SYNPO2: variants seen among roughly 807,000 people sequenced by gnomAD.
SYNPO2 encodes the protein synaptopodin-2.
SYNPO2 carries 56 observed loss-of-function variants against 85.0 expected under a neutral mutation model. The observed-to-expected ratio is 0.66, with a 90% CI of 0.53 to 0.82. The LOEUF (loss-of-function observed/expected upper bound fraction) is 0.82, where lower values mean the gene tolerates loss of function less well. SYNPO2 is among the 40% of genes least tolerant of loss of function. The probability of loss-of-function intolerance (pLI) is 0.00; values close to 1 mark genes in which losing one functional copy is unlikely to be tolerated. For synonymous variants in SYNPO2, 602 were observed against 591.1 expected (o/e 1.02, Z -0.27); for missense variants, 1,575 against 1,534.2 (o/e 1.03, Z -0.44).
intron 1 of SYNPO2, among the ~76,000 whole-genome samples, chr4:118,904,074 G>A (rs549466772): frequency 4.3e-4 from 66 of 152,176 alleles, no homozygotes; most frequent in Middle Eastern, 3.4e-3. Context: ...ATATAATTCT[G>A]TTGAGCTCTA....
intron 1 of SYNPO2, among the ~76,000 whole-genome samples, chr4:118,903,215 G>A (rs1384260811): frequency 2.6e-5 from 4 of 152,086 alleles, no homozygotes. Context: ...TGTACATTAA[G>A]ATGATTTCCT....
At chr4:118,861,628 C>A (rs915898752) in intron 1 of SYNPO2, among the ~76,000 whole-genome samples, 8 of 152,176 alleles carry the variant, frequency 5.3e-5, no homozygotes, top group African/African-American at 1.9e-4. Flanking sequence ...GTTCTTGACA[C>A]CTTTGTCGAA....
intron 4 of SYNPO2, among the ~76,000 whole-genome samples, chr4:119,040,315 T>C (rs529739370): frequency 6.6e-6 from 1 of 152,100 alleles, no homozygotes; most frequent in East Asian, 1.9e-4. Flanking sequence ...GTAGAAGGAG[T>C]GTCGCTATAA....
At chr4:118,930,714 A>G (rs1733899396) in intron 1 of SYNPO2, among the ~76,000 whole-genome samples, 1 of 150,508 alleles carries the variant, frequency 6.6e-6, no homozygotes, top group Admixed American at 6.6e-5. Flanking sequence ...CAGGAGTTCA[A>G]GACCAGCCTG....
intron 1 of SYNPO2, among the ~76,000 whole-genome samples, chr4:118,889,926 A>G (rs1732306710): frequency 6.6e-6 from 1 of 152,242 alleles, no homozygotes; most frequent in Non-Finnish European, 1.5e-5. Flanking sequence ...CAGCTAAAAT[A>G]AAACTTAAAA....
At chr4:118,969,934 A>G (rs1451717375) in intron 1 of SYNPO2, among the ~76,000 whole-genome samples, 2 of 152,208 alleles carry the variant, frequency 1.3e-5, no homozygotes, top group East Asian at 3.9e-4. Flanking sequence ...GCATTTAACT[A>G]TTAGATGATT....
intron 1 of SYNPO2, among the ~76,000 whole-genome samples, chr4:118,865,053 G>A (rs983561262): frequency 2.0e-5 from 3 of 152,334 alleles, no homozygotes; most frequent in South Asian, 2.1e-4. Flanking sequence ...GGAACAAAAG[G>A]AATATGTTGG....
intron 3 of SYNPO2, among the ~76,000 whole-genome samples, chr4:119,027,950 CAT>C (rs1334698111): frequency 6.6e-6 from 1 of 152,146 alleles, no homozygotes; most frequent in Non-Finnish European, 1.5e-5. Context: ...CAGACAAGGA[CAT>C]GTGTATACTG....
chr4:118,993,216 ATTTGTGTGTG>A (rs1346204583), intron 1 of SYNPO2, among the ~76,000 whole-genome samples: 3 of 152,068 alleles, frequency 2.0e-5, no homozygotes, highest in African/African-American at 7.2e-5. Flanking sequence ...CAAAATGTGT[ATTTGTGTGTG>A]TTTGTGTGCA....
intron 1 of SYNPO2, among the ~76,000 whole-genome samples, chr4:118,930,644 G>GTGGC (rs1378249735): frequency 6.6e-6 from 1 of 151,730 alleles, no homozygotes; most frequent in Non-Finnish European, 1.5e-5. Context: ...GCTGGGTGAG[G>GTGGC]TGGCTCATGC....
chr4:118,965,418 G>C (rs2149151333), intron 1 of SYNPO2, among the ~76,000 whole-genome samples: 1 of 152,050 alleles, frequency 6.6e-6, no homozygotes, highest in Non-Finnish European at 1.5e-5. Context: ...CCTCCTTCAA[G>C]CTCCAGCTCC....
chr4:119,048,297 C>T (rs372655068), intron 4 of SYNPO2, among the ~76,000 whole-genome samples: 6 of 152,140 alleles, frequency 3.9e-5, no homozygotes, highest in Non-Finnish European at 8.8e-5. Context: ...TGTGAACTGA[C>T]GTAAAATTCT....
At chr4:119,026,531 A>C in intron 2 of SYNPO2, 96 bp from the exon 3 acceptor site, 2 of 1,299,170 alleles carry the variant, frequency 1.5e-6, no homozygotes, top group Non-Finnish European at 1.1e-6. Context: ...TATTTTGACT[A>C]TATCACATAT....
chr4:119,035,661 C>T (rs964267604), intron 4 of SYNPO2: 1 of 985,132 alleles, frequency 1.0e-6, no homozygotes, highest in Non-Finnish European at 1.2e-6. Flanking sequence ...CATAGGAAAA[C>T]CAATCTGAGC....
At chr4:118,853,878 G>C (rs1731463946) in intron 1 of SYNPO2, among the ~76,000 whole-genome samples, 1 of 152,114 alleles carries the variant, frequency 6.6e-6, no homozygotes, top group Non-Finnish European at 1.5e-5. Flanking sequence ...AATATGTGCA[G>C]GAAAGAGGCT....
At chr4:118,939,724 C>A in intron 1 of SYNPO2, among the ~76,000 whole-genome samples, 1 of 152,114 alleles carries the variant, frequency 6.6e-6, no homozygotes, top group Non-Finnish European at 1.5e-5. Context: ...TTCTGAAATG[C>A]ACATAATCTT....
At chr4:119,048,237 T>G (rs1449561380) in intron 4 of SYNPO2, among the ~76,000 whole-genome samples, 1 of 152,226 alleles carries the variant, frequency 6.6e-6, no homozygotes, top group Non-Finnish European at 1.5e-5. Flanking sequence ...GGGATAGTTC[T>G]GTTTGTGTCC....
intron 1 of SYNPO2, among the ~76,000 whole-genome samples, chr4:118,903,260 C>A (rs1444169554): frequency 6.6e-6 from 1 of 152,098 alleles, no homozygotes; most frequent in Non-Finnish European, 1.5e-5. Flanking sequence ...TTCACTTAAT[C>A]AGGCACAGTA....
intron 1 of SYNPO2, among the ~76,000 whole-genome samples, chr4:118,946,841 TAA>T (rs1734521866): frequency 6.6e-6 from 1 of 152,236 alleles, no homozygotes; most frequent in Non-Finnish European, 1.5e-5. Flanking sequence ...ATGCGTGTTT[TAA>T]GAGTGAAATT....
Sources: allele counts gnomAD v4.1 joint callset (sites outside exome capture counted in the v4.1 genomes callset), GRCh38; gene constraint gnomAD v4.1.1; transcripts MANE v1.5; gene names NCBI Gene and HGNC (gene_info 2026-07-23, HGNC 2026-07-21).